Variants in GAD2 observed in about 807,000 individuals in gnomAD.
The protein encoded by GAD2 is glutamate decarboxylase 2, also known as 65 kDa glutamic acid decarboxylase.
A neutral mutation model predicts 80.1 loss-of-function variants in GAD2; 22 were observed. That is an observed-to-expected ratio of 0.27 (90% CI 0.20 to 0.39). GAD2 has a LOEUF of 0.39. GAD2 is among the 10% of genes least tolerant of loss of function. GAD2 has a pLI of 1.00. For synonymous variants in GAD2, 274 were observed against 256.9 expected (o/e 1.07, Z -0.64); for missense variants, 624 against 738.4 (o/e 0.85, Z 1.80).
chr10:26,251,076 T>G (rs1174734096), intron 8 of GAD2, among the ~76,000 whole-genome samples: 7 of 149,014 alleles, frequency 4.7e-5, no homozygotes, highest in Admixed American at 1.3e-4. Context: ...TTTTTTTGTA[T>G]TTTTTAGTAG....
chr10:26,264,782 T>C (rs540405122), intron 8 of GAD2, among the ~76,000 whole-genome samples: 1 of 152,380 alleles, frequency 6.6e-6, no homozygotes, highest in East Asian at 1.9e-4. Flanking sequence ...GCTGCTATTA[T>C]GTAAACTTAG....
chr10:26,229,635 G>GT, intron 6 of GAD2, 27 bp from the exon 7 acceptor site: 1 of 1,485,382 alleles, frequency 6.7e-7, no homozygotes, highest in Non-Finnish European at 9.4e-7. Flanking sequence ...AATAAATAAA[G>GT]TAACTGCGTG....
chr10:26,251,015 G>C (rs1334941912), intron 8 of GAD2, among the ~76,000 whole-genome samples: 1 of 149,634 alleles, frequency 6.7e-6, no homozygotes, highest in Admixed American at 6.7e-5. Flanking sequence ...AAGTAGCTGG[G>C]ACTACAGGCG....
intron 12 of GAD2, among the ~76,000 whole-genome samples, chr10:26,281,560 AATCTCTGATTACAGATGATT>A (rs2132312455): frequency 6.6e-6 from 1 of 152,272 alleles, no homozygotes; most frequent in East Asian, 1.9e-4. Flanking sequence ...ATTAATCTGT[AATCTCTGATTACAGATGATT>A]ACAGTCTATC....
chr10:26,247,802 AGG>A (rs1480761787), intron 8 of GAD2, among the ~76,000 whole-genome samples: 1 of 149,970 alleles, frequency 6.7e-6, no homozygotes, highest in Non-Finnish European at 1.5e-5. Context: ...AGGCTGACAC[AGG>A]AGAATCGCTT....
chr10:26,293,238 C>T (rs1440218352), intron 15 of GAD2, among the ~76,000 whole-genome samples: 2 of 132,446 alleles, frequency 1.5e-5, no homozygotes, highest in South Asian at 2.4e-4. Flanking sequence ...AGTGCAGTGG[C>T]GTGATCTCAG....
intron 13 of GAD2, among the ~76,000 whole-genome samples, chr10:26,288,452 A>G (rs1834173380): frequency 6.6e-6 from 1 of 152,192 alleles, no homozygotes; most frequent in Non-Finnish European, 1.5e-5. Context: ...CCCAACAAGG[A>G]CAGGTATCTG....
At chr10:26,279,216 G>A (rs1018886114) in intron 11 of GAD2, among the ~76,000 whole-genome samples, 4 of 152,064 alleles carry the variant, frequency 2.6e-5, no homozygotes, top group Non-Finnish European at 5.9e-5. Context: ...GTGGAAGTGA[G>A]GGAGAGAAGC....
At chr10:26,231,286 C>CGT (rs1844598818) in intron 7 of GAD2, among the ~76,000 whole-genome samples, 1 of 152,016 alleles carries the variant, frequency 6.6e-6, no homozygotes, top group South Asian at 2.1e-4. Flanking sequence ...CGCAGGGAAC[C>CGT]GTGGTGGGTC....
Position 26,300,858 on chromosome 10 carries a change from A to G in GAD2, c.1655A>G (p.Asp552Gly), listed in dbSNP as rs201538283. 15 of 1,613,956 alleles carry G rather than the reference A, an allele frequency of 9.3e-6. No individual in the cohort carries two copies. The East Asian group carries it at 3.1e-4, about 34-fold the overall frequency. ...ATGGTCAGCTACCAACCCTTGGGAG[A>G]CAAGGTCAATTTCTTCCGCATGGTC... ...TTMVSYQPLG[D>G]KVNFFRMVIS... The change falls in exon 16 of 16, where the codon GAC becomes GGC. Residue 552 changes from aspartate (D) to glycine (G), a missense_variant. Asp to Gly is a moderately conservative substitution (Grantham distance 94). Transcript: ENST00000376261.
chr10:26,245,193 G>T (rs117165047), intron 7 of GAD2, among the ~76,000 whole-genome samples: 6 of 144,678 alleles, frequency 4.1e-5, no homozygotes, highest in Non-Finnish European at 7.6e-5. Context: ...AGTTAATAAT[G>T]CACAGTGGTG....
intron 7 of GAD2, among the ~76,000 whole-genome samples, chr10:26,242,294 A>G (rs987256237): frequency 7.2e-5 from 11 of 152,086 alleles, no homozygotes; most frequent in African/African-American, 2.7e-4. Flanking sequence ...CCACTGGTTC[A>G]ATTTTTATAT....
At chr10:26,263,015 A>G (rs1002704390) in intron 8 of GAD2, among the ~76,000 whole-genome samples, 2 of 152,198 alleles carry the variant, frequency 1.3e-5, no homozygotes, top group African/African-American at 4.8e-5. Context: ...GGTTTCATAT[A>G]CAAAAGAAAA....
At chr10:26,241,840 C>T (rs1844747240) in intron 7 of GAD2, among the ~76,000 whole-genome samples, 1 of 152,026 alleles carries the variant, frequency 6.6e-6, no homozygotes, top group Non-Finnish European at 1.5e-5. Flanking sequence ...TAGTTTGCGT[C>T]CTCACTCCTC....
upstream of GAD2, chr10:26,216,458 C>T (rs995336689): frequency 1.2e-4 from 21 of 181,404 alleles, no homozygotes; most frequent in Non-Finnish European, 1.7e-4. This position sits in a 1 kb window ranked among gnomAD's most constrained non-coding sequence, Gnocchi z 4.7. Flanking sequence ...CCTCCGCCGC[C>T]CCCTCATTCA....
At chr10:26,245,096 T>G (rs1226343714) in intron 7 of GAD2, among the ~76,000 whole-genome samples, 7 of 145,590 alleles carry the variant, frequency 4.8e-5, no homozygotes. Flanking sequence ...GGGGTTGCAG[T>G]GAGCTGAGAT....
intron 8 of GAD2, among the ~76,000 whole-genome samples, chr10:26,255,904 C>T (rs1232769601): frequency 8.2e-5 from 12 of 145,864 alleles, no homozygotes; most frequent in African/African-American, 3.0e-4. Context: ...GCAAGGAGGA[C>T]TGGGGAGGGA....
chr10:26,254,036 T>G (rs899300896), intron 8 of GAD2, among the ~76,000 whole-genome samples: 2 of 152,158 alleles, frequency 1.3e-5, no homozygotes, highest in African/African-American at 4.8e-5. Flanking sequence ...TTAATTGAAT[T>G]AATTAATTTA....
intron 15 of GAD2, among the ~76,000 whole-genome samples, chr10:26,295,508 G>GCACACACACACACACACACA (rs61216190): frequency 0.01 from 1,382 of 133,812 alleles, 37 homozygotes; most frequent in African/African-American, 0.026. Context: ...TCATACGCAT[G>GCACACACACACACACACACA]CACACACACA....
Sources: gnomAD v4.1 joint callset for allele counts (sites outside exome capture counted in the v4.1 genomes callset) on GRCh38, gnomAD v4.1.1 for gene constraint, Gnocchi (gnomAD v3.1) non-coding constraint, MANE v1.5 for transcripts, NCBI Gene and HGNC (gene_info 2026-07-23, HGNC 2026-07-21) for gene names.